The following CNTN1 variants were observed in gnomAD, a reference collection of about 807,000 sequenced individuals.
The protein encoded by CNTN1 is contactin-1.
A neutral mutation model predicts 126.4 loss-of-function variants in CNTN1; 38 were observed. The ratio of observed to expected loss-of-function variants is 0.30; its 90% CI spans 0.23 to 0.39. CNTN1 has a LOEUF of 0.39. CNTN1 is among the 10% of genes least tolerant of loss of function. The pLI, the probability that CNTN1 is intolerant of heterozygous loss-of-function variation, is 1.00. For synonymous variants in CNTN1, 413 were observed against 422.6 expected (o/e 0.98, Z 0.28); for missense variants, 1,009 against 1,248.4 (o/e 0.81, Z 2.89).
chr12:40,977,074 T>C lies in CNTN1; in HGVS notation c.1805-3835T>C, dbSNP rs185755533. ...TGCTGGGATACAGCTTGGTTTTATGTATTTTAGGGGGACATGAGATATCAA... is the reference window on the plus strand; with the variant it reads ...TGCTGGGATACAGCTTGGTTTTATGCATTTTAGGGGGACATGAGATATCAA... On this transcript the variant is annotated intron_variant, in intron 15 of 23. Transcript: ENST00000551295. Among the ~76,000 whole-genome samples, 196 of 152,224 alleles carry C rather than the reference T, an allele frequency of 1.3e-3. 1 individual carries two copies. Among genetic ancestry groups the C allele is most frequent in the Admixed American group, 4.9e-3 (75 of 15,282 alleles).
intron 9 of CNTN1, 141 bp from the exon 10 acceptor site, chr12:40,936,640 G>T: frequency 3.1e-6 from 3 of 960,144 alleles, no homozygotes; most frequent in Non-Finnish European, 4.8e-6. Flanking sequence ...CAAAGACAAG[G>T]CCTATTACTG....
chr12:41,069,201 T>A (rs1592493445), intron 23 of CNTN1, among the ~76,000 whole-genome samples: 3 of 152,300 alleles, frequency 2.0e-5, no homozygotes, highest in African/African-American at 7.2e-5. Flanking sequence ...TAGCATATTA[T>A]AATACATCAT....
At chr12:40,955,695 G>T (rs772771127) in intron 14 of CNTN1, among the ~76,000 whole-genome samples, 5 of 152,012 alleles carry the variant, frequency 3.3e-5, no homozygotes, top group Non-Finnish European at 7.4e-5. Context: ...ATAAGACCTG[G>T]TTCTTTCCTT....
intron 1 of CNTN1, among the ~76,000 whole-genome samples, chr12:40,739,109 G>A (rs1222091433): frequency 6.6e-6 from 1 of 152,010 alleles, no homozygotes; most frequent in African/African-American, 2.4e-5. Context: ...AAGCTCCTCA[G>A]GGGATTCTAG....
intron 13 of CNTN1, 25 bp downstream of exon 13, chr12:40,943,749 A>G: frequency 6.2e-7 from 1 of 1,610,996 alleles, no homozygotes; most frequent in South Asian, 1.1e-5. Flanking sequence ...GAGGGTGCTT[A>G]ATTTCTAATG....
intron 1 of CNTN1, among the ~76,000 whole-genome samples, chr12:40,738,183 G>T (rs1405677679): frequency 6.6e-6 from 1 of 151,968 alleles, no homozygotes; most frequent in African/African-American, 2.4e-5. Context: ...ATAATAATAT[G>T]ATATTTGTTC....
At chr12:40,795,259 A>G (rs1404041116) in intron 1 of CNTN1, among the ~76,000 whole-genome samples, 3 of 147,334 alleles carry the variant, frequency 2.0e-5, no homozygotes, top group Non-Finnish European at 3.0e-5. Flanking sequence ...ATCTCTGTAA[A>G]CATGTCTACA....
At chr12:40,833,867 G>A (rs1026362480) in intron 1 of CNTN1, among the ~76,000 whole-genome samples, 6 of 152,196 alleles carry the variant, frequency 3.9e-5, no homozygotes, top group Non-Finnish European at 7.3e-5. Context: ...TCAATGCTGA[G>A]GGAAAATGCT....
chr12:40,804,993 G>A (rs907354421), intron 1 of CNTN1, among the ~76,000 whole-genome samples: 1 of 151,892 alleles, frequency 6.6e-6, no homozygotes, highest in Non-Finnish European at 1.5e-5. Flanking sequence ...GTCTTCTGGT[G>A]TACACAGTTA....
chr12:40,973,240 G>T (rs1271976048), intron 15 of CNTN1, among the ~76,000 whole-genome samples: 1 of 152,020 alleles, frequency 6.6e-6, no homozygotes, highest in Non-Finnish European at 1.5e-5. Context: ...ATAAGATTCA[G>T]CTTCATCTTA....
chr12:40,758,301 G>GTT, intron 1 of CNTN1, among the ~76,000 whole-genome samples: 2 of 150,070 alleles, frequency 1.3e-5, no homozygotes, highest in African/African-American at 4.9e-5. Flanking sequence ...AAAACAAAGT[G>GTT]TTTTTTTTTT....
chr12:41,071,555 T>C lies in CNTN1; in HGVS notation c.*1520T>C, dbSNP rs1228781879. 1 of 152,202 alleles carries C rather than the reference T, an allele frequency of 6.6e-6. No homozygotes were observed. Among genetic ancestry groups the C allele is most frequent in the Non-Finnish European group, 1.5e-5 (1 of 68,016 alleles). The allele number at this position is 152,202 out of a possible 1,614,324, so 9.4% of individuals were successfully genotyped here. A position where few individuals can be genotyped will look rare whatever the true frequency, so the allele number is the denominator to read the frequency against. On this transcript the variant is annotated 3_prime_UTR_variant, in exon 24 of 24. Transcript: ENST00000551295. ...ACTACTTTACCGACTTTACCCCCTT[T>C]CTTTAATTTGTATAATTTTTGTACT...
chr12:40,845,628 C>T (rs933214933), intron 1 of CNTN1, among the ~76,000 whole-genome samples: 1 of 152,112 alleles, frequency 6.6e-6, no homozygotes, highest in Non-Finnish European at 1.5e-5. Flanking sequence ...AATTAGAGAG[C>T]TGGAAATTTC....
chr12:40,942,936 T>C (rs1424626537), intron 12 of CNTN1, among the ~76,000 whole-genome samples: 1 of 152,106 alleles, frequency 6.6e-6, no homozygotes, highest in Non-Finnish European at 1.5e-5. Flanking sequence ...CTTTCAAAGA[T>C]AATTTAGTTT....
At chr12:40,787,659 G>A (rs1440181834) in intron 1 of CNTN1, among the ~76,000 whole-genome samples, 1 of 150,944 alleles carries the variant, frequency 6.6e-6, no homozygotes, top group Non-Finnish European at 1.5e-5. Context: ...CAGGGATTTA[G>A]TGCCTGAGAT....
At chr12:40,875,317 A>T (rs1396588983) in intron 1 of CNTN1, among the ~76,000 whole-genome samples, 3 of 152,114 alleles carry the variant, frequency 2.0e-5, no homozygotes, top group African/African-American at 7.2e-5. Flanking sequence ...CACATCCAGG[A>T]TTGACATTAA....
intron 15 of CNTN1, among the ~76,000 whole-genome samples, chr12:40,979,619 T>C (rs1947768384): frequency 6.6e-6 from 1 of 152,146 alleles, no homozygotes; most frequent in South Asian, 2.1e-4. Context: ...TGTTTAGTTA[T>C]AAACATTCTG....
At chr12:40,890,586 T>A (rs1944207472) in intron 1 of CNTN1, among the ~76,000 whole-genome samples, 1 of 152,236 alleles carries the variant, frequency 6.6e-6, no homozygotes, top group African/African-American at 2.4e-5. Context: ...GAATGTCATA[T>A]AGTTGAAATC....
At chr12:40,806,121 A>G (rs1434175566) in intron 1 of CNTN1, among the ~76,000 whole-genome samples, 6 of 152,084 alleles carry the variant, frequency 3.9e-5, no homozygotes, top group Non-Finnish European at 7.4e-5. Context: ...GAGTGCAAGG[A>G]TAACAGGCTC....
Sources: allele counts gnomAD v4.1 joint callset (sites outside exome capture counted in the v4.1 genomes callset), GRCh38; gene constraint gnomAD v4.1.1; transcripts MANE v1.5; gene names NCBI Gene and HGNC (gene_info 2026-07-23, HGNC 2026-07-21).